CELF5: variants seen among roughly 807,000 people sequenced by gnomAD.
CELF5 encodes the protein CUG-BP and ETR-3 like factor 5.
A neutral mutation model predicts 54.9 loss-of-function variants in CELF5; 6 were observed. The ratio of observed to expected loss-of-function variants is 0.11; its 90% CI spans 0.06 to 0.22. The LOEUF (loss-of-function observed/expected upper bound fraction) is 0.22. CELF5 is among the 10% of genes least tolerant of loss of function. The probability of loss-of-function intolerance (pLI) is 1.00; values close to 1 mark genes in which losing one functional copy is unlikely to be tolerated. For synonymous variants in CELF5, 271 were observed against 290.9 expected, an observed-to-expected ratio of 0.93 and a Z score of 0.70; for missense variants, 401 against 678.6, an observed-to-expected ratio of 0.59 and a Z score of 4.54.
chr19:3,250,998 C>T lies in CELF5; in HGVS notation c.273C>T (p.Leu91=), dbSNP rs1233146711. Residue 91 remains leucine, a synonymous_variant, in exon 2 of 13, where the codon CTC becomes CTT. Coordinates refer to ENST00000292672, the MANE Select transcript of CELF5 (RefSeq NM_021938.4). The stretch of plus-strand genomic sequence containing the variant: ...TCTCCCTTCCAGGCTGTGCCTTCCT[C>T]ACCTACTGTGCCAGGGATTCCGCCA... The part of the protein sequence containing the change: ...YTGMHKGCAF[L]TYCARDSAIK... 1 of 1,613,972 alleles carries T rather than the reference C, an allele frequency of 6.2e-7. No homozygotes were observed. Among genetic ancestry groups the T allele is most frequent in the Non-Finnish European group, 8.5e-7 (1 of 1,179,890 alleles).
At chr19:3,261,004 A>G (rs1170581611) in intron 2 of CELF5, among the ~76,000 whole-genome samples, 2 of 152,020 alleles carry the variant, frequency 1.3e-5, no homozygotes, top group East Asian at 3.9e-4. Flanking sequence ...GGCTCAAGCA[A>G]TCCTCCTGCC....
intron 2 of CELF5, among the ~76,000 whole-genome samples, chr19:3,252,232 CATT>C (rs1722817045): frequency 6.6e-6 from 1 of 151,760 alleles, no homozygotes; most frequent in South Asian, 2.1e-4. Context: ...GACGGGGTCT[CATT>C]ATATTGCCCG....
At chr19:3,291,266 A>G (rs892670464) in intron 11 of CELF5, among the ~76,000 whole-genome samples, 2 of 151,550 alleles carry the variant, frequency 1.3e-5, no homozygotes, top group African/African-American at 2.4e-5. Context: ...ACCCTGTCTC[A>G]TACAAAAAAA....
intron 1 of CELF5, among the ~76,000 whole-genome samples, chr19:3,238,040 C>G (rs2079441243): frequency 6.7e-6 from 1 of 149,604 alleles, no homozygotes; most frequent in African/African-American, 2.5e-5. Flanking sequence ...AAGAGAGAGG[C>G]TCTGTCTCAA....
At chr19:3,291,557 G>A (rs1219978223) in intron 11 of CELF5, among the ~76,000 whole-genome samples, 1 of 113,574 alleles carries the variant, frequency 8.8e-6, no homozygotes, top group East Asian at 2.2e-4. Flanking sequence ...GGGCAATAAA[G>A]CAAGACTCCG....
intron 1 of CELF5, among the ~76,000 whole-genome samples, chr19:3,249,726 T>C (rs1210335393): frequency 6.6e-6 from 1 of 152,168 alleles, no homozygotes; most frequent in Admixed American, 6.5e-5. Flanking sequence ...TGGTCCAACT[T>C]GTGGTCCTCT....
Position 3,232,875 on chromosome 19 carries a change from G to A in CELF5, c.259+7877G>A, listed in dbSNP as rs1391024063. Among the ~76,000 whole-genome samples, 3 of 152,068 alleles carry A rather than the reference G, an allele frequency of 2.0e-5. No homozygotes were observed. The East Asian group carries it at 5.8e-4, about 29-fold the overall frequency. The stretch of plus-strand genomic sequence containing the variant: ...GGATCACCAGAGGTCGGGAGTTCGA[G>A]ACCAGCCTGACCAACATGGAGAAAC... On this transcript the variant is annotated intron_variant, in intron 1 of 12. Transcript: ENST00000292672.
intron 8 of CELF5, 99 bp from the exon 9 acceptor site, chr19:3,284,803 G>C: frequency 9.9e-7 from 1 of 1,013,726 alleles, no homozygotes; most frequent in South Asian, 1.3e-5. Flanking sequence ...GAGAAGCTGG[G>C]CGGGGTGTTT....
Position 3,290,159 on chromosome 19 carries a change from C to T in CELF5, c.1187-72C>T, listed in dbSNP as rs1008709447. The T allele has an allele frequency of 4.1e-6, 5 of 1,228,390 alleles. No homozygotes were observed. In the African/African-American group the frequency reaches 7.4e-5, roughly 18 times the overall value. The allele number at this position is 1,228,390 out of a possible 1,614,324, so 76.1% of individuals were successfully genotyped here. On this transcript the variant is annotated intron_variant, in intron 10 of 12. Coordinates refer to ENST00000292672, the MANE Select transcript of CELF5 (RefSeq NM_021938.4). ...GAGAAGCCAGATGCGGGCTCCAGAC[C>T]TGTGCCCCTCCCCCGGGGGGGTTCG...
intron 2 of CELF5, among the ~76,000 whole-genome samples, chr19:3,273,485 C>T (rs949269016): frequency 2.0e-5 from 3 of 152,134 alleles, no homozygotes; most frequent in Non-Finnish European, 4.4e-5. Flanking sequence ...TTAACTTCCA[C>T]CACATTCTAT....
intron 3 of CELF5, among the ~76,000 whole-genome samples, chr19:3,274,553 G>A (rs1490621494): frequency 1.3e-5 from 2 of 152,192 alleles, no homozygotes; most frequent in Non-Finnish European, 2.9e-5. Context: ...CTGGGCATGT[G>A]GGCAGACATG....
chr19:3,290,483 C>T, intron 11 of CELF5, 109 bp downstream of exon 11: 1 of 1,244,732 alleles, frequency 8.0e-7, no homozygotes. Flanking sequence ...CTGAAATAAT[C>T]ACAATCAGAA....
intron 8 of CELF5, 146 bp from the exon 9 acceptor site, chr19:3,284,756 C>G: frequency 2.9e-6 from 2 of 699,344 alleles, no homozygotes; most frequent in East Asian, 5.5e-5. Flanking sequence ...CTTCCTCGGC[C>G]TCAGCTTCCT....
intron 2 of CELF5, 35 bp downstream of exon 2, chr19:3,251,102 A>C: frequency 7.5e-7 from 1 of 1,334,366 alleles, no homozygotes; most frequent in Non-Finnish European, 1.1e-6. Context: ...AGGAGGGGAC[A>C]GGGGATGGCT....
In CELF5 at chr19:3,275,725, A is replaced by G. The variant is rs1456872017; in HGVS notation, c.395-131A>G. ...CTGGGTCCTCCCTCGCACGCGCAGA[A>G]CCGGAGCCGGCAGGGCCCGGGCGCC... On this transcript the variant is annotated intron_variant, in intron 3 of 12. Coordinates refer to ENST00000292672, the MANE Select transcript of CELF5 (RefSeq NM_021938.4). The surrounding 1 kb of genome is among the most constrained non-coding windows in gnomAD (Gnocchi z 6.7). The G allele has an allele frequency of 2.0e-6, 2 of 986,898 alleles. No individual in the cohort carries two copies. The highest frequency in any genetic ancestry group is 2.9e-6 in the Non-Finnish European group (2 of 694,094). The allele number at this position is 986,898 out of a possible 1,614,324, so 61.1% of individuals were successfully genotyped here.
Position 3,278,172 on chromosome 19 carries a change from A to G in CELF5, c.603+62A>G, listed in dbSNP as rs1234369820. On this transcript the variant is annotated intron_variant, in intron 5 of 12. Transcript: ENST00000292672. This position sits in a 1 kb window ranked among gnomAD's most constrained non-coding sequence, Gnocchi z 4.5. Reference sequence around the variant, plus strand: ...TGGGAAAGGGGTGAGGGGGACAGGGATGAAACAGGCCATATTCCTACCGTC... The same window carrying G: ...TGGGAAAGGGGTGAGGGGGACAGGGGTGAAACAGGCCATATTCCTACCGTC... 9.1e-7 allele frequency: 1 copy of G among 1,097,186 alleles called. No individual in the cohort carries two copies. Among genetic ancestry groups the G allele is most frequent in the Non-Finnish European group, 1.3e-6 (1 of 743,804 alleles). 68.0% of individuals were successfully genotyped at this position (1,097,186 alleles called of 1,614,324 possible).
intron 2 of CELF5, 66 bp from the exon 3 acceptor site, chr19:3,273,806 C>CA: frequency 2.5e-6 from 3 of 1,195,572 alleles, no homozygotes; most frequent in Non-Finnish European, 3.7e-6. Context: ...AGAGCTCAGG[C>CA]AAAACCCCCC....
At chr19:3,235,142 C>T (rs1213223729) in intron 1 of CELF5, among the ~76,000 whole-genome samples, 2 of 152,206 alleles carry the variant, frequency 1.3e-5, no homozygotes, top group African/African-American at 4.8e-5. Context: ...TGGTCCTACT[C>T]CAGGACCTTT....
At chr19:3,286,683 T>G in intron 10 of CELF5, 1 of 133,210 alleles carries the variant, frequency 7.5e-6, no homozygotes, top group East Asian at 2.3e-4. Flanking sequence ...AGTGAGCTAC[T>G]ATCTCCCCAC....
Sources: gnomAD v4.1 joint callset for allele counts (sites outside exome capture counted in the v4.1 genomes callset) on GRCh38, gnomAD v4.1.1 for gene constraint, Gnocchi (gnomAD v3.1) non-coding constraint, MANE v1.5 for transcripts, NCBI Gene and HGNC (gene_info 2026-07-23, HGNC 2026-07-21) for gene names.